The following PLCH2 variants were observed in gnomAD, a reference collection of about 807,000 sequenced individuals.
PLCH2 encodes phospholipase C eta 2.
PLCH2 carries 98 observed loss-of-function variants against 134.7 expected under a neutral mutation model. The ratio of observed to expected loss-of-function variants is 0.73; its 90% confidence interval spans 0.62 to 0.86. The LOEUF (loss-of-function observed/expected upper bound fraction) is 0.86, where lower values mean the gene tolerates loss of function less well. Among genes scored for constraint, PLCH2 ranks in the 40% least tolerant of loss-of-function variants. PLCH2 has a pLI of 0.00. For synonymous variants in PLCH2, 974 were observed against 827.5 expected (o/e 1.18, Z -3.04); for missense variants, 1,994 against 1,986.6 (o/e 1.00, Z -0.07).
At chr1:2,466,229 G>A (rs565094731), upstream of PLCH2, among the ~76,000 whole-genome samples, 10 of 152,262 alleles carry the variant, frequency 6.6e-5, no homozygotes, top group East Asian at 1.9e-4. Context: ...CTCCCTTCTC[G>A]CAGCTGTGCC....
chr1:2,472,620 G>A (rs538263188), upstream of PLCH2, among the ~76,000 whole-genome samples: 7 of 152,208 alleles, frequency 4.6e-5, no homozygotes, highest in Non-Finnish European at 1.0e-4. Context: ...GCAGGTGACG[G>A]TCAGGCCAAT....
chr1:2,500,758 G>A (rs935342691), intron 20 of PLCH2: 3 of 150,664 alleles, frequency 2.0e-5, no homozygotes, highest in Non-Finnish European at 3.0e-5. Flanking sequence ...CTGGGTGGCC[G>A]CCTTCTCACT....
chr1:2,436,147 C>T (rs1386355012), intron 2 of PLCH2, among the ~76,000 whole-genome samples: 1 of 133,880 alleles, frequency 7.5e-6, no homozygotes, highest in African/African-American at 2.8e-5. Context: ...CTCATCCCTT[C>T]CTCCCTGCTC....
Position 2,448,333 on chromosome 1 carries a change from G to C in PLCH2, c.115+17704G>C, listed in dbSNP as rs991015917. Among the ~76,000 whole-genome samples the C allele has an allele frequency of 3.9e-5, 6 of 152,198 alleles. No homozygotes were observed. The East Asian group carries it at 1.2e-3, about 29-fold the overall frequency. On this transcript the variant is annotated intron_variant, in intron 2 of 3. Coordinates refer to the PLCH2 transcript ENST00000609981. The surrounding 1 kb of genome is among the most constrained non-coding windows in gnomAD (Gnocchi z 4.0). ...CCGCGCTCCCTCTGCAGGCTCCCCGGGAGGAACTTCCTGGCCTCCTCCAGC... is the reference window on the plus strand; with the variant it reads ...CCGCGCTCCCTCTGCAGGCTCCCCGCGAGGAACTTCCTGGCCTCCTCCAGC...
chr1:2,451,600 A>G (rs10752743), intron 2 of PLCH2, among the ~76,000 whole-genome samples: 94,188 of 151,946 alleles, frequency 0.62, 30,594 homozygotes, highest in East Asian at 0.87. Flanking sequence ...GCCCTGTGGG[A>G]GTCTGCGCCA....
chr1:2,424,752 C>T (rs1334124871), upstream of PLCH2, among the ~76,000 whole-genome samples: 1 of 152,170 alleles, frequency 6.6e-6, no homozygotes, highest in Non-Finnish European at 1.5e-5. Context: ...CTTTGGGAGG[C>T]CAAGGCGGGC....
chr1:2,426,019 T>G (rs1167484963), exon 1 of PLCH2: 1 of 152,242 alleles, frequency 6.6e-6, no homozygotes, highest in Non-Finnish European at 1.5e-5. Flanking sequence ...CCTGGCTCCC[T>G]GCACGGAACT....
At position 2,505,262 on chromosome 1, in the gene PLCH2, G is replaced by A. The variant is rs1421470981; in HGVS notation, c.*49G>A. On this transcript the variant is annotated 3_prime_UTR_variant, in exon 22 of 22. Transcript: ENST00000378486. ...GGCTCTGGAGGCCCAGGGCAGGGGT[G>A]GGCGTGTTGTTTGCTCAGGAAACAG... 2 of 1,429,704 alleles carry A rather than the reference G, an allele frequency of 1.4e-6. No homozygotes were observed. Among genetic ancestry groups the A allele is most frequent in the South Asian group, 1.3e-5 (1 of 79,456 alleles). 88.6% of individuals were successfully genotyped at this position (1,429,704 alleles called of 1,614,324 possible).
intron 2 of PLCH2, 100 bp from the exon 3 acceptor site, chr1:2,479,634 A>G: frequency 7.7e-7 from 1 of 1,292,850 alleles, no homozygotes; most frequent in South Asian, 1.4e-5. Context: ...AAAGGTGGGC[A>G]AGGAGCTCCC....
chr1:2,426,575 C>T (rs1638807872), intron 1 of PLCH2, among the ~76,000 whole-genome samples: 1 of 152,256 alleles, frequency 6.6e-6, no homozygotes, highest in Non-Finnish European at 1.5e-5. Flanking sequence ...CTAGGGCTGG[C>T]CCCTCGCGGT....
intron 2 of PLCH2, among the ~76,000 whole-genome samples, chr1:2,432,553 G>A (rs577595163): frequency 1.5e-3 from 232 of 152,310 alleles, no homozygotes; most frequent in Non-Finnish European, 2.8e-3. Context: ...TGACTGCTGG[G>A]CACGTGGCCG....
At chr1:2,463,398 G>A (rs908675204), upstream of PLCH2, among the ~76,000 whole-genome samples, 13 of 152,376 alleles carry the variant, frequency 8.5e-5, no homozygotes, top group African/African-American at 1.9e-4. Context: ...TCCCCAGGTC[G>A]CCCTGGTGCT....
chr1:2,427,003 T>C (rs1274575618), intron 1 of PLCH2, among the ~76,000 whole-genome samples: 1 of 152,296 alleles, frequency 6.6e-6, no homozygotes, highest in East Asian at 1.9e-4. Flanking sequence ...CAGTGGCCCC[T>C]GGCAGAGTGG....
chr1:2,505,097 C>T lies in PLCH2; in HGVS notation c.4135C>T (p.Pro1379Ser), dbSNP rs1643473312. ...ACCCCCAGAAGAGGAGCGGGGCACC[C>T]CCGAGGGCGCCTGCTCCGTGGGCCA... ...QGPPEEERGT[P>S]EGACSVGHEG... The change falls in exon 22 of 22, where the codon CCC becomes TCC. Residue 1379 changes from proline to serine, a missense_variant. This residue lies in a region of PLCH2 where 900 missense variants were observed against 752.3 expected (regional missense o/e 1.20). Coordinates refer to ENST00000378486, the MANE Select transcript of PLCH2 (RefSeq NM_014638.4). 1.3e-6 allele frequency: 2 copies of T among 1,540,324 alleles called. No individual in the cohort carries two copies. The highest frequency in any genetic ancestry group is 1.2e-5 in the South Asian group (1 of 84,406).
chr1:2,421,337 C>T (rs1307549566), upstream of PLCH2, among the ~76,000 whole-genome samples: 1 of 152,136 alleles, frequency 6.6e-6, no homozygotes, highest in Non-Finnish European at 1.5e-5. Context: ...CACGTGCTCA[C>T]CAGAACCTAC....
At chr1:2,501,252 G>A (rs1392313986) in intron 20 of PLCH2, 1 of 152,164 alleles carries the variant, frequency 6.6e-6, no homozygotes, top group Non-Finnish European at 1.5e-5. Context: ...TCGTCATGGG[G>A]GCGCGGTGGG....
In PLCH2 at chr1:2,505,236, C is replaced by A. The variant is rs541468845; in HGVS notation, c.*23C>A. 2.6e-6 allele frequency: 4 copies of A among 1,543,818 alleles called. No homozygotes were observed. The East Asian group carries it at 9.5e-5, about 37-fold the overall frequency. On this transcript the variant is annotated 3_prime_UTR_variant, in exon 22 of 22. Transcript: ENST00000378486. ...TGACCGTCAGTGGTGGGAACCTGGG[C>A]GGCTCTGGAGGCCCAGGGCAGGGGT...
intron 2 of PLCH2, among the ~76,000 whole-genome samples, chr1:2,457,951 G>A (rs1330542130): frequency 1.3e-5 from 2 of 152,078 alleles, no homozygotes; most frequent in Non-Finnish European, 2.9e-5. Context: ...CACCGGGCGG[G>A]TGGTAGGGAG....
In PLCH2 at chr1:2,453,118, G is replaced by C. The variant is rs570891502; in HGVS notation, c.115+22489G>C. Among the ~76,000 whole-genome samples the C allele has an allele frequency of 1.0e-3, 157 of 152,182 alleles. 2 individuals carry two copies. The highest frequency in any genetic ancestry group is 3.6e-3 in the African/African-American group (150 of 41,514). On this transcript the variant is annotated intron_variant, in intron 2 of 3. Coordinates refer to the PLCH2 transcript ENST00000609981. ...CACCACCTCCACCCAGGCCTGGGCC[G>C]CCCATCCCCCACCGTGCTACAAGCC...
Sources: allele counts gnomAD v4.1 joint callset (sites outside exome capture counted in the v4.1 genomes callset), GRCh38; gene constraint gnomAD v4.1.1; regional missense constraint gnomAD v4.1.1; non-coding constraint Gnocchi (gnomAD v3.1); transcripts MANE v1.5; gene names NCBI Gene and HGNC (gene_info 2026-07-23, HGNC 2026-07-21).